MERTK: variants seen among roughly 807,000 people sequenced by gnomAD.
MERTK encodes the protein tyrosine-protein kinase Mer.
In MERTK, 69 loss-of-function variants were observed where a neutral mutation model predicts 99.3. The ratio of observed to expected loss-of-function variants is 0.70; its 90% confidence interval spans 0.57 to 0.85. The LOEUF is 0.85. Ranked by LOEUF, MERTK falls within the 40% of genes least tolerant of loss-of-function variation. The probability of loss-of-function intolerance (pLI) is 0.00; values close to 1 mark genes in which losing one functional copy is unlikely to be tolerated. For missense variants in MERTK, 1,125 were observed against 1,249.4 expected, an observed-to-expected ratio of 0.90 and a Z score of 1.50; for synonymous variants, 426 against 467.6, an observed-to-expected ratio of 0.91 and a Z score of 1.15.
chr2:111,949,560 T>C (rs1309151254), intron 4 of MERTK, among the ~76,000 whole-genome samples: 2 of 152,208 alleles, frequency 1.3e-5, no homozygotes, highest in Non-Finnish European at 2.9e-5. Flanking sequence ...TATAGGATGA[T>C]CACTCTGAAA....
intron 7 of MERTK, among the ~76,000 whole-genome samples, chr2:111,979,715 G>A (rs10177803): frequency 0.62 from 93,972 of 151,772 alleles, 29,447 homozygotes; most frequent in Middle Eastern, 0.69. Context: ...TCTATTAAAT[G>A]TTTTATTTTA....
rs145683300 is a variant in MERTK at position 111,938,631 on chromosome 2, G to A, written c.483-6329G>A. On this transcript the variant is annotated intron_variant, in intron 2 of 18. Coordinates refer to ENST00000295408, the MANE Select transcript of MERTK (RefSeq NM_006343.3). Reference sequence around the variant, plus strand: ...CTGCTGGCCATGCAGCTGTACCCAGGTGGTTCCTGTCTAGACACCATGGCT... The same window carrying A: ...CTGCTGGCCATGCAGCTGTACCCAGATGGTTCCTGTCTAGACACCATGGCT... Among the ~76,000 whole-genome samples, 5 of 152,284 alleles carry A rather than the reference G, an allele frequency of 3.3e-5. No individual in the cohort carries two copies. In the South Asian group the frequency reaches 6.2e-4, roughly 19 times the overall value.
At position 111,968,148 on chromosome 2, in the gene MERTK, C is replaced by A. The variant is rs145602430; in HGVS notation, c.856C>A (p.Pro286Thr). 5 of 1,613,480 alleles carry A rather than the reference C, an allele frequency of 3.1e-6. No homozygotes were observed. In the South Asian group the frequency reaches 4.4e-5, roughly 14 times the overall value. Reference sequence around the variant, plus strand: ...TTTGTTTTATGCAGCAATTCCCTCCCCACCAACTGAAGTCAGCATCCGTAA... The same window carrying A: ...TTTGTTTTATGCAGCAATTCCCTCCACACCAACTGAAGTCAGCATCCGTAA... ...VQINIKAIPS[P>T]PTEVSIRNST... Residue 286 changes from proline to threonine, a missense_variant, in exon 6 of 19, where the codon CCA becomes ACA. By Grantham distance (38) the Pro-to-Thr change is conservative. Coordinates refer to ENST00000295408, the MANE Select transcript of MERTK (RefSeq NM_006343.3).
intron 6 of MERTK, among the ~76,000 whole-genome samples, chr2:111,974,861 T>C (rs1676211692): frequency 6.6e-6 from 1 of 150,760 alleles, no homozygotes; most frequent in Non-Finnish European, 1.5e-5. Flanking sequence ...TTGGGAAATA[T>C]TTCCTTTAAA....
At chr2:111,976,469 A>G (rs1166691358) in intron 7 of MERTK, among the ~76,000 whole-genome samples, 1 of 151,942 alleles carries the variant, frequency 6.6e-6, no homozygotes, top group African/African-American at 2.4e-5. Flanking sequence ...CATCATAGCA[A>G]AAGATTGTAA....
chr2:111,960,243 G>A (rs760579222), intron 4 of MERTK, among the ~76,000 whole-genome samples: 5 of 152,098 alleles, frequency 3.3e-5, no homozygotes, highest in Non-Finnish European at 7.4e-5. Flanking sequence ...CACTTTGGGA[G>A]GCTGAGGCAG....
chr2:111,989,200 CA>C (rs1334897224), intron 8 of MERTK, among the ~76,000 whole-genome samples: 14 of 152,200 alleles, frequency 9.2e-5, no homozygotes, highest in African/African-American at 3.4e-4. Flanking sequence ...ACGTGTTTTG[CA>C]GAGTTAGATG....
intron 4 of MERTK, among the ~76,000 whole-genome samples, chr2:111,962,260 C>A (rs1168562174): frequency 6.6e-6 from 1 of 152,068 alleles, no homozygotes; most frequent in Non-Finnish European, 1.5e-5. Flanking sequence ...GTAATCCTAG[C>A]GTTTTAGGAG....
At chr2:112,022,913 G>A (rs955828404) in intron 18 of MERTK, among the ~76,000 whole-genome samples, 10 of 152,148 alleles carry the variant, frequency 6.6e-5, no homozygotes, top group African/African-American at 2.2e-4. Context: ...GTAACAATAC[G>A]ATTCCTCGGC....
chr2:111,953,523 ATTCTTCTCT>A (rs1685092589), intron 4 of MERTK, among the ~76,000 whole-genome samples: 1 of 152,058 alleles, frequency 6.6e-6, no homozygotes. Flanking sequence ...ACTTACCCAG[ATTCTTCTCT>A]CTCGCCCATC....
At chr2:111,901,937 T>C (rs1684052068) in intron 1 of MERTK, among the ~76,000 whole-genome samples, 4 of 152,096 alleles carry the variant, frequency 2.6e-5, no homozygotes, top group Admixed American at 2.6e-4. Flanking sequence ...CAGGCTAGAG[T>C]GCAATGGCAC....
At chr2:111,909,819 C>T (rs1228533839) in intron 1 of MERTK, among the ~76,000 whole-genome samples, 1 of 152,052 alleles carries the variant, frequency 6.6e-6, no homozygotes, top group Non-Finnish European at 1.5e-5. Context: ...TGAGAATAAG[C>T]AGCCCAACCC....
At chr2:111,932,180 A>T (rs1474616252) in intron 2 of MERTK, among the ~76,000 whole-genome samples, 1 of 152,106 alleles carries the variant, frequency 6.6e-6, no homozygotes, top group African/African-American at 2.4e-5. Flanking sequence ...ATTTTTGCAA[A>T]TGATGAGCAT....
chr2:112,014,656 G>C (rs1444676890), intron 15 of MERTK, among the ~76,000 whole-genome samples: 1 of 149,558 alleles, frequency 6.7e-6, no homozygotes. Flanking sequence ...TTCTTTTTGA[G>C]ACAGAGTCTC....
intron 2 of MERTK, among the ~76,000 whole-genome samples, chr2:111,930,912 GCA>G (rs1429821494): frequency 6.6e-6 from 1 of 152,168 alleles, no homozygotes; most frequent in Non-Finnish European, 1.5e-5. Context: ...TTCGTTGCGT[GCA>G]CAGTTTTAGA....
chr2:111,953,159 G>A lies in MERTK; in HGVS notation c.757+5592G>A, dbSNP rs183099878. On this transcript the variant is annotated intron_variant, in intron 4 of 18. Transcript: ENST00000295408. ...TGCATGATGAATTCACTCTCCATCA[G>A]GGGCCATCGGGTACCAAAAACCAAA... Among the ~76,000 whole-genome samples, 43 of 152,304 alleles carry A rather than the reference G, an allele frequency of 2.8e-4. No homozygotes were observed. In the East Asian group the frequency reaches 5.2e-3, roughly 18 times the overall value.
Position 111,954,527 on chromosome 2 carries a change from T to TA in MERTK, c.757+6960_757+6961insA, listed in dbSNP as rs1685113921. On this transcript the variant is annotated intron_variant, in intron 4 of 18. Transcript: ENST00000295408. ...CACAGTGCCTGGCACATAAGAACTATGTGAATGAATGAATGAACTAATGAG... is the reference window on the plus strand; with the variant it reads ...CACAGTGCCTGGCACATAAGAACTATAGTGAATGAATGAATGAACTAATGAG... Among the ~76,000 whole-genome samples the TA allele has an allele frequency of 2.0e-5, 3 of 152,222 alleles. No individual in the cohort carries two copies. The South Asian group carries it at 6.2e-4, about 31-fold the overall frequency.
At chr2:111,963,348 C>T (rs1013901132) in intron 4 of MERTK, among the ~76,000 whole-genome samples, 4 of 152,214 alleles carry the variant, frequency 2.6e-5, no homozygotes, top group Non-Finnish European at 4.4e-5. Flanking sequence ...TGCCAAGAGG[C>T]GTTCCTTCCT....
intron 15 of MERTK, among the ~76,000 whole-genome samples, chr2:112,011,043 C>T (rs1358684445): frequency 6.6e-6 from 1 of 152,042 alleles, no homozygotes; most frequent in African/African-American, 2.4e-5. Flanking sequence ...GGGAAGGAAC[C>T]GAACCACCCA....
Sources: allele counts gnomAD v4.1 joint callset (sites outside exome capture counted in the v4.1 genomes callset), GRCh38; gene constraint gnomAD v4.1.1; transcripts MANE v1.5; gene names NCBI Gene and HGNC (gene_info 2026-07-23, HGNC 2026-07-21).